The following DYM variants were observed in gnomAD, a reference collection of about 807,000 sequenced individuals.
DYM encodes the protein dymeclin, also known as dyggve-Melchior-Clausen syndrome protein.
A neutral mutation model predicts 93.1 loss-of-function variants in DYM; 78 were observed. The ratio of observed to expected loss-of-function variants is 0.84; its 90% CI spans 0.70 to 1.01. The LOEUF (loss-of-function observed/expected upper bound fraction) is 1.01. Among genes scored for constraint, DYM ranks in the 50% least tolerant of loss-of-function variants. The probability of loss-of-function intolerance (pLI) is 0.00; values close to 1 mark genes in which losing one functional copy is unlikely to be tolerated. For missense variants in DYM, 789 were observed against 845.0 expected, an observed-to-expected ratio of 0.93 and a Z score of 0.82; for synonymous variants, 321 against 319.7, an observed-to-expected ratio of 1.00 and a Z score of -0.04.
intron 17 of DYM, among the ~76,000 whole-genome samples, chr18:49,069,508 TG>T (rs1344086240): frequency 6.6e-6 from 1 of 152,250 alleles, no homozygotes; most frequent in African/African-American, 2.4e-5. Context: ...TATATTTTCA[TG>T]AGTAGCATGT....
intron 1 of DYM, among the ~76,000 whole-genome samples, chr18:49,453,863 A>G (rs1003864542): frequency 6.6e-6 from 1 of 152,202 alleles, no homozygotes; most frequent in African/African-American, 2.4e-5. Flanking sequence ...GAAGTCATGA[A>G]GGGATTGATA....
chr18:49,261,380 T>C (rs2094487624), intron 11 of DYM, among the ~76,000 whole-genome samples: 7 of 152,212 alleles, frequency 4.6e-5, no homozygotes. Context: ...GTAAAAAATA[T>C]AAAAGTTTGG....
intron 8 of DYM, among the ~76,000 whole-genome samples, chr18:49,322,955 T>C (rs1184592517): frequency 5.3e-5 from 8 of 152,158 alleles, no homozygotes; most frequent in East Asian, 1.9e-4. Context: ...AGTTAATAAA[T>C]AGCAGGTCTG....
chr18:49,189,053 A>G (rs1188633152), intron 14 of DYM, among the ~76,000 whole-genome samples: 1 of 148,742 alleles, frequency 6.7e-6, no homozygotes, highest in Non-Finnish European at 1.5e-5. Flanking sequence ...ATTAACACAG[A>G]AAAAAAACTA....
chr18:49,458,755 C>G (rs2083219078), intron 1 of DYM, among the ~76,000 whole-genome samples: 1 of 152,138 alleles, frequency 6.6e-6, no homozygotes, highest in Non-Finnish European at 1.5e-5. Flanking sequence ...AGGAGAATTG[C>G]TTGAACCCAG....
chr18:49,433,740 T>C (rs2080550876), intron 1 of DYM, among the ~76,000 whole-genome samples: 2 of 152,050 alleles, frequency 1.3e-5, no homozygotes. Flanking sequence ...TGTTGGAGCA[T>C]GCCCATAATC....
In DYM at chr18:49,376,869, C is replaced by T. The variant is rs970495699; in HGVS notation, c.421+1698G>A. On this transcript the variant is annotated intron_variant, in intron 5 of 17. Coordinates refer to ENST00000675505, the MANE Select transcript of DYM (RefSeq NM_001353214.3). ...AGGATAAGAATGAAGAAAAAGATTG[C>T]AGTAAAACAGAAATTCATATTCTAT... 9.9e-5 allele frequency among the ~76,000 whole-genome samples: 15 copies of T among 152,270 alleles called. 1 individual carries two copies. Among genetic ancestry groups the T allele is most frequent in the South Asian group, 4.1e-4 (2 of 4,820 alleles).
chr18:49,368,003 C>G (rs946150476), intron 5 of DYM, among the ~76,000 whole-genome samples: 1 of 152,116 alleles, frequency 6.6e-6, no homozygotes, highest in South Asian at 2.1e-4. Flanking sequence ...ATTTAAACTT[C>G]TAATTAGCAA....
intron 13 of DYM, among the ~76,000 whole-genome samples, chr18:49,213,609 C>T (rs571503286): frequency 8.5e-5 from 13 of 152,288 alleles, no homozygotes; most frequent in African/African-American, 2.9e-4. Context: ...AGCCACAGTG[C>T]CTAGCCAATT....
At chr18:49,079,077 T>C (rs890641723) in intron 17 of DYM, among the ~76,000 whole-genome samples, 6 of 152,254 alleles carry the variant, frequency 3.9e-5, no homozygotes, top group Non-Finnish European at 5.9e-5. Context: ...TTCTGTTTGG[T>C]GTCAGCATCT....
chr18:49,247,318 T>TA (rs112147652), intron 13 of DYM, among the ~76,000 whole-genome samples: 45 of 152,146 alleles, frequency 3.0e-4, no homozygotes, highest in African/African-American at 9.4e-4. Context: ...TAATTTATGA[T>TA]AAAAAATATA....
At position 49,272,004 on chromosome 18, in the gene DYM, T is replaced by TG. The variant is rs1555671144; in HGVS notation, c.1251+173dup. On this transcript the variant is annotated intron_variant, in intron 11 of 17. Coordinates refer to ENST00000675505, the MANE Select transcript of DYM (RefSeq NM_001353214.3). ...TTTTAATAGTGGTTAATAGTCATTC[T>TG]GGAAAAAAAAAAAAAAAAAGCACCG... Among the ~76,000 whole-genome samples, 26,634 of 69,256 alleles carry TG rather than the reference T, an allele frequency of 0.38. 2,832 individuals carry two copies. The highest frequency in any genetic ancestry group is 0.54 in the Admixed American group (4,568 of 8,490). The allele number at this position is 69,256 out of a possible 152,430, so 45.4% of individuals were successfully genotyped here.
At chr18:49,396,227 CAGACCAAGACGTTAGGAAAGTAAATT>C (rs1405121937) in intron 2 of DYM, among the ~76,000 whole-genome samples, 1 of 152,100 alleles carries the variant, frequency 6.6e-6, no homozygotes, top group Non-Finnish European at 1.5e-5. Flanking sequence ...CAACACAAAA[CAGACCAAGACGTTAGGAAAGTAAATT>C]AGTACAGCCA....
chr18:49,413,204 T>G (rs1170838419), intron 2 of DYM: 1 of 152,270 alleles, frequency 6.6e-6, no homozygotes, highest in Non-Finnish European at 1.5e-5. Context: ...CTCTCTGGAC[T>G]TAGACAAATA....
At chr18:49,234,382 G>A (rs574858452) in intron 13 of DYM, among the ~76,000 whole-genome samples, 4 of 152,092 alleles carry the variant, frequency 2.6e-5, no homozygotes, top group East Asian at 3.9e-4. Context: ...GCTTGAGCCC[G>A]GGAAGGGGAG....
intron 6 of DYM, among the ~76,000 whole-genome samples, chr18:49,345,098 T>G (rs142590034): frequency 6.6e-6 from 1 of 152,228 alleles, no homozygotes. Flanking sequence ...ATAATCCAGA[T>G]CAGGTAGGCT....
At chr18:49,054,117 G>A (rs2075267024) in intron 17 of DYM, among the ~76,000 whole-genome samples, 1 of 152,138 alleles carries the variant, frequency 6.6e-6, no homozygotes, top group Admixed American at 6.5e-5. Flanking sequence ...GTGTAATGGA[G>A]GGAGTGACAA....
At chr18:49,257,206 A>ACCAAGGTTAAC in intron 12 of DYM, 102 bp from the exon 13 acceptor site, 1 of 906,400 alleles carries the variant, frequency 1.1e-6, no homozygotes, top group Non-Finnish European at 1.8e-6. Context: ...GTTGTCACTG[A>ACCAAGGTTAAC]TTTTAGAAAG....
intron 11 of DYM, among the ~76,000 whole-genome samples, chr18:49,268,142 G>C (rs1425742809): frequency 6.6e-6 from 1 of 151,908 alleles, no homozygotes; most frequent in Non-Finnish European, 1.5e-5. Flanking sequence ...TGTATCATTG[G>C]GTATTAAGAA....
Sources: gnomAD v4.1 joint callset for allele counts (sites outside exome capture counted in the v4.1 genomes callset) on GRCh38, gnomAD v4.1.1 for gene constraint, MANE v1.5 for transcripts, NCBI Gene and HGNC (gene_info 2026-07-23, HGNC 2026-07-21) for gene names.